The following KDM2A variants were observed in gnomAD, a reference collection of about 807,000 sequenced individuals.
The protein encoded by KDM2A is lysine demethylase 2A, also known as lysine-specific demethylase 2A.
Under a neutral mutation model 137.3 loss-of-function variants are expected in KDM2A, and 3 were observed. The ratio of observed to expected loss-of-function variants is 0.02; its 90% CI spans 0.01 to 0.06. The LOEUF (loss-of-function observed/expected upper bound fraction) is 0.06, where lower values mean the gene tolerates loss of function less well. Ranked by LOEUF, KDM2A falls within the 10% of genes least tolerant of loss-of-function variation. The pLI, the probability that KDM2A is intolerant of heterozygous loss-of-function variation, is 1.00. For synonymous variants in KDM2A, 512 were observed against 541.5 expected (o/e 0.95, Z 0.76); for missense variants, 738 against 1,510.6 (o/e 0.49, Z 8.48).
intron 5 of KDM2A, among the ~76,000 whole-genome samples, chr11:67,187,062 A>C (rs995849621): frequency 6.6e-6 from 1 of 152,224 alleles, no homozygotes; most frequent in Non-Finnish European, 1.5e-5. Flanking sequence ...AATAGTAGTG[A>C]AGTCAAACTG....
At position 67,217,793 on chromosome 11, in the gene KDM2A, A is replaced by T. The variant is rs376276572; in HGVS notation, c.750A>T (p.Ser250=). 6.2e-7 allele frequency: 1 copy of T among 1,613,614 alleles called. No homozygotes were observed. The highest frequency in any genetic ancestry group is 1.3e-5 in the African/African-American group (1 of 75,048). ...AGCTGTACGAGAATTGGCTGCTGTC[A>T]GGGAAACAGGGAGACATCTTTCTGG... ...NLELYENWLL[S]GKQGDIFLGD... is the part of the protein sequence containing the mutation. Residue 250 remains serine (S), a synonymous_variant, in exon 9 of 21, where the codon TCA becomes TCT. Coordinates refer to ENST00000529006, the MANE Select transcript of KDM2A (RefSeq NM_012308.3).
At chr11:67,206,896 T>C (rs564950476) in intron 5 of KDM2A, among the ~76,000 whole-genome samples, 1 of 152,372 alleles carries the variant, frequency 6.6e-6, no homozygotes, top group Non-Finnish European at 1.5e-5. Context: ...CTGGTGTCTT[T>C]ATCATTCTAT....
At position 67,144,173 on chromosome 11, in the gene KDM2A, G is replaced by C. The variant is rs368737787; in HGVS notation, c.42+22815G>C. ...TTGCCCAGGCTGGTCTCAAACTCCT[G>C]ATGTCACGTGATCTGCCTACCTCCC... On this transcript the variant is annotated intron_variant, in intron 2 of 20. Coordinates refer to ENST00000529006, the MANE Select transcript of KDM2A (RefSeq NM_012308.3). Among the ~76,000 whole-genome samples, 3 of 151,640 alleles carry C rather than the reference G, an allele frequency of 2.0e-5. No individual in the cohort carries two copies. In the South Asian group the frequency reaches 6.2e-4, roughly 32 times the overall value.
At chr11:67,240,174 A>C in intron 12 of KDM2A, 1 of 1,507,128 alleles carries the variant, frequency 6.6e-7, no homozygotes, top group Non-Finnish European at 8.8e-7. Context: ...CCCTCTGGGT[A>C]GTCTGAAGGG....
rs1859544546 is a variant in KDM2A at position 67,254,656 on chromosome 11, G to C, written c.3308-218G>C. 6.6e-6 allele frequency among the ~76,000 whole-genome samples: 1 copy of C among 152,220 alleles called. No homozygotes were observed. Among genetic ancestry groups the C allele is most frequent in the African/African-American group, 2.4e-5 (1 of 41,460 alleles). On this transcript the variant is annotated intron_variant, in intron 20 of 20. Coordinates refer to ENST00000529006, the MANE Select transcript of KDM2A (RefSeq NM_012308.3). This position sits in a 1 kb window ranked among gnomAD's most constrained non-coding sequence, Gnocchi z 4.7. ...CCAACATCCAGCTGGAGTTTGGTCA[G>C]CCTTGCAGCCCTTGTGCTTGTTGTC...
At chr11:67,166,285 A>G (rs1051777346) in intron 2 of KDM2A, among the ~76,000 whole-genome samples, 22 of 151,094 alleles carry the variant, frequency 1.5e-4, no homozygotes, top group Non-Finnish European at 5.9e-5. Flanking sequence ...CCTGGGTTCA[A>G]GTGATTCTCG....
chr11:67,161,561 G>A (rs1183030309), intron 2 of KDM2A, among the ~76,000 whole-genome samples: 1 of 152,116 alleles, frequency 6.6e-6, no homozygotes, highest in Non-Finnish European at 1.5e-5. Context: ...TCAGGAAGTG[G>A]TATTTACTCA....
Position 67,245,978 on chromosome 11 carries a change from C to T in KDM2A, c.1834-7C>T. ...TTCTCTTGGATTCTATCTTTGTCCT[C>T]TTGTAGCCCAGACTGCCTCACTCAG... On this transcript the variant is annotated splice_region_variant and splice_polypyrimidine_tract_variant and intron_variant, in intron 14 of 20. Transcript: ENST00000529006. This position sits in a 1 kb window ranked among gnomAD's most constrained non-coding sequence, Gnocchi z 4.1. The T allele has an allele frequency of 6.2e-7, 1 of 1,613,838 alleles. No homozygotes were observed. The highest frequency in any genetic ancestry group is 8.5e-7 in the Non-Finnish European group (1 of 1,179,778).
At chr11:67,169,380 CTTTTTTTTT>C (rs1169905276) in intron 2 of KDM2A, among the ~76,000 whole-genome samples, 1 of 132,648 alleles carries the variant, frequency 7.5e-6, no homozygotes, top group Non-Finnish European at 1.6e-5. Flanking sequence ...CTTTCTTTTT[CTTTTTTTTT>C]TTTTTTTGAG....
At chr11:67,230,355 T>C (rs1028181600) in intron 11 of KDM2A, among the ~76,000 whole-genome samples, 1 of 152,078 alleles carries the variant, frequency 6.6e-6, no homozygotes, top group African/African-American at 2.4e-5. Context: ...AGACCAGGCA[T>C]GGTGGCTCAT....
rs1859567417 is a variant in KDM2A at position 67,255,359 on chromosome 11, G to C, written c.*304G>C. 2.1e-6 allele frequency: 1 copy of C among 466,236 alleles called. No individual in the cohort carries two copies. Among genetic ancestry groups the C allele is most frequent in the Non-Finnish European group, 4.1e-6 (1 of 243,356 alleles). The allele number at this position is 466,236 out of a possible 1,614,324, so 28.9% of individuals were successfully genotyped here. The stretch of plus-strand genomic sequence containing the variant: ...CCAGGAGGCCGGGCTCTCAGTTTGG[G>C]GTGTTTGTGCAACCTTCATCTGCAC... On this transcript the variant is annotated 3_prime_UTR_variant, in exon 21 of 21. Transcript: ENST00000529006.
intron 2 of KDM2A, among the ~76,000 whole-genome samples, chr11:67,147,964 G>T (rs1338995767): frequency 6.6e-6 from 1 of 151,912 alleles, no homozygotes; most frequent in Non-Finnish European, 1.5e-5. Flanking sequence ...GGTGTGAGCT[G>T]CCACGCCCGG....
chr11:67,163,854 TAAAAA>T (rs200466687), intron 2 of KDM2A, among the ~76,000 whole-genome samples: 5 of 138,616 alleles, frequency 3.6e-5, no homozygotes, highest in Admixed American at 2.2e-4. Context: ...CACTCCATCT[TAAAAA>T]AAAAAAAAAA....
At chr11:67,243,203 A>G (rs376082139) in intron 13 of KDM2A, 111 bp downstream of exon 13, 8 of 721,492 alleles carry the variant, frequency 1.1e-5, no homozygotes, top group African/African-American at 1.1e-4. Flanking sequence ...TTGGTGCATT[A>G]ATACAAACTG....
intron 2 of KDM2A, among the ~76,000 whole-genome samples, chr11:67,156,078 C>T (rs543421281): frequency 1.4e-4 from 20 of 147,928 alleles, no homozygotes; most frequent in African/African-American, 4.0e-4. Context: ...GGAGAAACCC[C>T]GTCTCTACTA....
chr11:67,236,379 C>A (rs994435485), intron 12 of KDM2A, among the ~76,000 whole-genome samples: 2 of 152,176 alleles, frequency 1.3e-5, no homozygotes, highest in African/African-American at 4.8e-5. Flanking sequence ...ATCTGCCTGT[C>A]TAGGCCTCCC....
intron 2 of KDM2A, among the ~76,000 whole-genome samples, chr11:67,122,683 A>G (rs998488493): frequency 6.9e-6 from 1 of 144,578 alleles, no homozygotes; most frequent in Admixed American, 7.0e-5. Context: ...TTATTTATTT[A>G]TTTATTTTTT....
At chr11:67,190,986 A>G (rs1047132886) in intron 5 of KDM2A, among the ~76,000 whole-genome samples, 1 of 152,182 alleles carries the variant, frequency 6.6e-6, no homozygotes, top group Non-Finnish European at 1.5e-5. Flanking sequence ...CCAAACATTT[A>G]AAGAGGAACT....
chr11:67,225,786 T>C (rs1281447052), intron 10 of KDM2A, among the ~76,000 whole-genome samples: 1 of 141,622 alleles, frequency 7.1e-6, no homozygotes, highest in African/African-American at 2.6e-5. Context: ...AATAAATAGC[T>C]GGGCACGGTG....
Sources: allele counts gnomAD v4.1 joint callset (sites outside exome capture counted in the v4.1 genomes callset), GRCh38; gene constraint gnomAD v4.1.1; non-coding constraint Gnocchi (gnomAD v3.1); transcripts MANE v1.5; gene names NCBI Gene and HGNC (gene_info 2026-07-23, HGNC 2026-07-21).